The following ERI1 variants were observed in gnomAD, a reference collection of about 807,000 sequenced individuals.
ERI1 encodes the protein exoribonuclease 1.
Under a neutral mutation model 39.7 loss-of-function variants are expected in ERI1, and 39 were observed. The ratio of observed to expected loss-of-function variants is 0.98; its 90% CI spans 0.76 to 1.28. The LOEUF is 1.28. Among genes scored for constraint, ERI1 ranks in the 50% most tolerant of loss-of-function variants. The probability of loss-of-function intolerance (pLI) is 0.00; values close to 1 mark genes in which losing one functional copy is unlikely to be tolerated. For missense variants in ERI1, 581 were observed against 416.9 expected (o/e 1.39, Z -3.43); for synonymous variants, 204 against 149.6 (o/e 1.36, Z -2.65).
intron 3 of ERI1, among the ~76,000 whole-genome samples, chr8:9,083,482 A>C (rs532991425): frequency 3.9e-5 from 6 of 152,322 alleles, no homozygotes; most frequent in African/African-American, 1.2e-4. Context: ...ATTTAAACAT[A>C]TACCAAAGAA....
Position 9,030,174 on chromosome 8 carries a change from AC to A in ERI1, c.*141del. On this transcript the variant is annotated 3_prime_UTR_variant, in exon 7 of 7. Coordinates refer to ENST00000250263, the MANE Select transcript of ERI1 (RefSeq NM_153332.4). Reference sequence around the variant, plus strand: ...CTTATTACAGGTGATAGAGATAGATACATGTATGTGAACAGATTTTGTAGGA... The same window carrying A: ...CTTATTACAGGTGATAGAGATAGATAATGTATGTGAACAGATTTTGTAGGA... 1 of 1,140,258 alleles carries A rather than the reference AC, an allele frequency of 8.8e-7. No homozygotes were observed. The highest frequency in any genetic ancestry group is 1.6e-5 in the African/African-American group (1 of 64,316). The allele number at this position is 1,140,258 out of a possible 1,614,324, so 70.6% of individuals were successfully genotyped here. A position where few individuals can be genotyped will look rare whatever the true frequency, so the allele number is the denominator to read the frequency against.
intron 5 of ERI1, among the ~76,000 whole-genome samples, chr8:9,019,547 G>C (rs1358004902): frequency 1.3e-5 from 2 of 152,108 alleles, no homozygotes; most frequent in African/African-American, 4.8e-5. Context: ...TTTGTAACAA[G>C]AGCACTAACA....
At chr8:9,058,694 C>G (rs1382986959) in intron 3 of ERI1, among the ~76,000 whole-genome samples, 4 of 152,066 alleles carry the variant, frequency 2.6e-5, no homozygotes, top group African/African-American at 9.7e-5. Context: ...ATGTGTGGAT[C>G]TTATACAAGA....
rs1278734042 is a variant in ERI1, at chr8:9,030,025, T to C, written c.1041T>C (p.Phe347=). The C allele has an allele frequency of 1.3e-6, 2 of 1,585,266 alleles. No individual in the cohort carries two copies. The highest frequency in any genetic ancestry group is 2.4e-5 in the East Asian group (1 of 42,416). Residue 347 remains phenylalanine, a synonymous_variant, in exon 7 of 7, where the codon TTT becomes TTC. Transcript: ENST00000250263. ...CTCCACCACCACAAATGCCACATTT[T>C]AGAAAGTAACAACAGTTTTGTGTGT... is the stretch of plus-strand genomic sequence containing the variant. The part of the protein sequence containing the change: ...EGTPPPQMPH[F]RK
chr8:9,059,697 A>G (rs930780716), intron 3 of ERI1, among the ~76,000 whole-genome samples: 1 of 152,202 alleles, frequency 6.6e-6, no homozygotes, highest in Non-Finnish European at 1.5e-5. Flanking sequence ...TAGCCTTGCC[A>G]GCAAAGATTA....
intron 2 of ERI1, chr8:9,008,885 C>T (rs1157837041): frequency 1.7e-5 from 6 of 355,340 alleles, no homozygotes; most frequent in African/African-American, 8.7e-5. Flanking sequence ...ATCTCTGAAT[C>T]ATAATTCTCT....
Position 9,008,123 on chromosome 8 carries a change from C to G in ERI1, c.262C>G (p.Leu88Val). The change falls in exon 2 of 7, where the codon CTT (leucine) becomes GTT (valine). Residue 88 changes from leucine (L) to valine (V), a missense_variant. Coordinates refer to ENST00000250263, the MANE Select transcript of ERI1 (RefSeq NM_153332.4). ...GAGTAAGGAAGAACTCAGAGCTAAG[C>G]TTTCAGAATTCAAGCTTGAAACTAG... ...RMSKEELRAK[L>V]SEFKLETRGV... 2.5e-6 allele frequency: 4 copies of G among 1,593,518 alleles called. No homozygotes were observed. The highest frequency in any genetic ancestry group is 3.4e-6 in the Non-Finnish European group (4 of 1,172,548).
At chr8:9,036,831 T>C (rs1421629804), downstream of ERI1, among the ~76,000 whole-genome samples, 5 of 152,218 alleles carry the variant, frequency 3.3e-5, no homozygotes, top group Non-Finnish European at 7.3e-5. Context: ...GAAGTGTCCA[T>C]TCTTGCTTGC....
chr8:9,058,270 G>C (rs1013446313), intron 3 of ERI1, among the ~76,000 whole-genome samples: 1 of 152,306 alleles, frequency 6.6e-6, no homozygotes, highest in Middle Eastern at 3.4e-3. Context: ...GTGAATGTGC[G>C]CTGAGAGAAA....
At chr8:9,088,603 A>G (rs951614160) in intron 3 of ERI1, 11 of 152,152 alleles carry the variant, frequency 7.2e-5, no homozygotes, top group African/African-American at 2.7e-4. Context: ...CCATCCACCC[A>G]TTTATAAGTG....
chr8:9,010,006 T>C (rs910798342), intron 2 of ERI1, among the ~76,000 whole-genome samples: 1 of 152,196 alleles, frequency 6.6e-6, no homozygotes, highest in African/African-American at 2.4e-5. Context: ...AGAAAATTGG[T>C]GTTAGTGCTC....
At chr8:9,041,154 T>C (rs1053694774) in intron 3 of ERI1, among the ~76,000 whole-genome samples, 8 of 152,320 alleles carry the variant, frequency 5.3e-5, no homozygotes, top group African/African-American at 1.9e-4. Context: ...GTTCATTCTG[T>C]GTGTCTGGTG....
chr8:9,023,514 C>T (rs73197706), intron 6 of ERI1, among the ~76,000 whole-genome samples: 1 of 151,930 alleles, frequency 6.6e-6, no homozygotes, highest in Non-Finnish European at 1.5e-5. Context: ...ATAAAATGCT[C>T]CCTCCTTTTT....
At chr8:9,070,369 T>A (rs1671725166) in intron 3 of ERI1, among the ~76,000 whole-genome samples, 1 of 152,134 alleles carries the variant, frequency 6.6e-6, no homozygotes, top group Non-Finnish European at 1.5e-5. Flanking sequence ...CCACATATAA[T>A]CCTAGCCCTT....
At chr8:9,020,561 G>A (rs1817775600) in intron 6 of ERI1, 97 bp downstream of exon 6, 2 of 733,788 alleles carry the variant, frequency 2.7e-6, no homozygotes, top group African/African-American at 1.8e-5. Flanking sequence ...TGTTTTTCAT[G>A]GAAAAAAGCC....
intron 3 of ERI1, among the ~76,000 whole-genome samples, chr8:9,014,321 C>A (rs1354344477): frequency 6.6e-6 from 1 of 152,148 alleles, no homozygotes; most frequent in Non-Finnish European, 1.5e-5. Flanking sequence ...TCCCGTTTTT[C>A]CTTCCAGTCC....
At position 9,008,045 on chromosome 8, in the gene ERI1, A is replaced by C; in HGVS notation, c.184A>C (p.Ser62Arg). 1 of 1,604,620 alleles carries C rather than the reference A, an allele frequency of 6.2e-7. No individual in the cohort carries two copies. The highest frequency in any genetic ancestry group is 1.1e-5 in the South Asian group (1 of 90,642). Residue 62 changes from serine (S) to arginine (R), a missense_variant, in exon 2 of 7, where the codon AGT becomes CGT. Physicochemically the swap from Ser to Arg is moderately radical, Grantham distance 110. Transcript: ENST00000250263. The part of the protein sequence containing the change: ...KFITSSASDF[S>R]DPVYKEIAIT... ...CATTACCTCCAGTGCGAGTGACTTC[A>C]GTGACCCGGTTTACAAAGAGATTGC...
At chr8:9,074,813 A>G (rs908762354) in intron 3 of ERI1, among the ~76,000 whole-genome samples, 13 of 152,228 alleles carry the variant, frequency 8.5e-5, no homozygotes, top group African/African-American at 3.1e-4. Context: ...CTAAATTCCT[A>G]AAACCTTAAT....
intron 3 of ERI1, among the ~76,000 whole-genome samples, chr8:9,013,528 C>G (rs1816900032): frequency 6.6e-6 from 1 of 151,996 alleles, no homozygotes; most frequent in Admixed American, 6.6e-5. Context: ...AGCCCCCGTT[C>G]TCTGCTTACA....
Sources: allele counts gnomAD v4.1 joint callset (sites outside exome capture counted in the v4.1 genomes callset), GRCh38; gene constraint gnomAD v4.1.1; transcripts MANE v1.5; gene names NCBI Gene and HGNC (gene_info 2026-07-23, HGNC 2026-07-21).